The following GFRA2 variants were observed in gnomAD, a reference collection of about 807,000 sequenced individuals.
GFRA2 encodes GDNF family receptor alpha-2.
GFRA2 carries 17 observed loss-of-function variants against 48.3 expected under a neutral mutation model. The observed-to-expected ratio is 0.35, with a 90% CI of 0.24 to 0.53. The LOEUF (loss-of-function observed/expected upper bound fraction) is 0.53. Among genes scored for constraint, GFRA2 ranks in the 20% least tolerant of loss-of-function variants. The pLI, the probability that GFRA2 is intolerant of heterozygous loss-of-function variation, is 0.93. For synonymous variants in GFRA2, 305 were observed against 257.2 expected, an observed-to-expected ratio of 1.19 and a Z score of -1.78; for missense variants, 660 against 637.3, an observed-to-expected ratio of 1.04 and a Z score of -0.38.
chr8:21,778,069 T>C (rs771118981), intron 2 of GFRA2, among the ~76,000 whole-genome samples: 26 of 152,118 alleles, frequency 1.7e-4, no homozygotes, highest in Non-Finnish European at 3.5e-4. Flanking sequence ...CACAGCCCCA[T>C]GGTAAATCAC....
chr8:21,805,645 G>A (rs764814527), intron 1 of GFRA2, among the ~76,000 whole-genome samples: 8 of 152,128 alleles, frequency 5.3e-5, no homozygotes, highest in Non-Finnish European at 7.4e-5. Context: ...GCTGGGAGTC[G>A]TAAAGCAATT....
intron 3 of GFRA2, among the ~76,000 whole-genome samples, chr8:21,756,680 A>C (rs1340543476): frequency 6.6e-6 from 1 of 152,200 alleles, no homozygotes; most frequent in Admixed American, 6.5e-5. Context: ...TCACCTACCA[A>C]GACCCCTCAC....
upstream of GFRA2, among the ~76,000 whole-genome samples, chr8:21,793,379 G>A (rs1038298183): frequency 6.0e-4 from 92 of 152,286 alleles, no homozygotes; most frequent in African/African-American, 2.0e-3. Flanking sequence ...GGCAGTGGGC[G>A]TGGACAGAGG....
intron 4 of GFRA2, among the ~76,000 whole-genome samples, chr8:21,710,232 T>G (rs1468209096): frequency 6.6e-6 from 1 of 152,180 alleles, no homozygotes; most frequent in African/African-American, 2.4e-5. Flanking sequence ...CCTCCCGCCT[T>G]GGGCTGCGAC....
At chr8:21,725,800 C>T (rs1008721633) in intron 4 of GFRA2, among the ~76,000 whole-genome samples, 7 of 152,190 alleles carry the variant, frequency 4.6e-5, no homozygotes, top group Non-Finnish European at 8.8e-5. Flanking sequence ...CAAGGCCCGC[C>T]GGTCCTCTCA....
At chr8:21,770,979 C>T (rs1806409871) in intron 3 of GFRA2, among the ~76,000 whole-genome samples, 1 of 152,134 alleles carries the variant, frequency 6.6e-6, no homozygotes, top group Non-Finnish European at 1.5e-5. Context: ...GGAGGATGCT[C>T]CACTTCAGCT....
chr8:21,701,222 G>A (rs561696948), intron 7 of GFRA2, among the ~76,000 whole-genome samples: 5 of 152,160 alleles, frequency 3.3e-5, no homozygotes, highest in African/African-American at 7.2e-5. Flanking sequence ...GTGAAACCCC[G>A]TCTCTACTAA....
rs961363942 is a variant in GFRA2 at position 21,754,384 on chromosome 8, G to A, written c.440-3442C>T. Reference sequence around the variant, plus strand: ...AAGCAAGCAAAATGGTACAGAGTAGGCAACAGTGATCAACACAGGACCATG... The same window carrying A: ...AAGCAAGCAAAATGGTACAGAGTAGACAACAGTGATCAACACAGGACCATG... On this transcript the variant is annotated intron_variant, in intron 3 of 8. Coordinates refer to ENST00000524240, the MANE Select transcript of GFRA2 (RefSeq NM_001495.5). Among the ~76,000 whole-genome samples the A allele has an allele frequency of 5.9e-5, 9 of 152,134 alleles. 1 individual carries two copies. The highest frequency in any genetic ancestry group is 5.2e-4 in the Admixed American group (8 of 15,284).
chr8:21,697,202 C>T (rs1260959985), intron 7 of GFRA2, among the ~76,000 whole-genome samples: 16 of 9,772 alleles, frequency 1.6e-3, no homozygotes, highest in African/African-American at 5.6e-3. Flanking sequence ...AGGGGACAAA[C>T]GGAAAGGGGA....
At chr8:21,793,488 GC>G (rs1807614900), upstream of GFRA2, among the ~76,000 whole-genome samples, 1 of 152,148 alleles carries the variant, frequency 6.6e-6, no homozygotes, top group South Asian at 2.1e-4. Context: ...TAGCGGCTCA[GC>G]CTTTGTCCTT....
intron 4 of GFRA2, among the ~76,000 whole-genome samples, chr8:21,712,670 G>C (rs1179862958): frequency 6.6e-6 from 1 of 152,170 alleles, no homozygotes; most frequent in East Asian, 1.9e-4. Flanking sequence ...GGGAGGTGGA[G>C]GTTGTAGTGA....
chr8:21,734,317 G>A (rs902254751), intron 4 of GFRA2, among the ~76,000 whole-genome samples: 14 of 152,212 alleles, frequency 9.2e-5, no homozygotes, highest in African/African-American at 3.4e-4. Context: ...GGCTCCACAC[G>A]TATCCAAGCA....
intron 1 of GFRA2, among the ~76,000 whole-genome samples, chr8:21,785,031 C>A (rs1265910462): frequency 6.6e-6 from 1 of 152,188 alleles, no homozygotes; most frequent in Non-Finnish European, 1.5e-5. Context: ...ACCCCGCCTC[C>A]CCATAGGCTA....
At chr8:21,738,257 A>G in intron 4 of GFRA2, among the ~76,000 whole-genome samples, 1 of 139,980 alleles carries the variant, frequency 7.1e-6, no homozygotes, top group Non-Finnish European at 1.5e-5. Flanking sequence ...AGGTGACAAC[A>G]TCACCAGCCA....
intron 1 of GFRA2, among the ~76,000 whole-genome samples, chr8:21,810,669 G>T (rs1415915187): frequency 1.3e-5 from 2 of 152,158 alleles, no homozygotes; most frequent in Non-Finnish European, 2.9e-5. Context: ...GCACTCAGTG[G>T]AGCCAGTGGT....
chr8:21,792,178 G>A (rs1446255463), upstream of GFRA2, among the ~76,000 whole-genome samples: 3 of 152,192 alleles, frequency 2.0e-5, no homozygotes, highest in Non-Finnish European at 2.9e-5. Flanking sequence ...TAGCAGGAGA[G>A]GGAAGAAGGA....
At chr8:21,751,014 A>G (rs1195471973) in intron 3 of GFRA2, 72 bp from the exon 4 acceptor site, 19 of 1,002,172 alleles carry the variant, frequency 1.9e-5, no homozygotes, top group Non-Finnish European at 1.7e-5. Flanking sequence ...CCCTCACTGG[A>G]AGATGTCTCC....
chr8:21,694,913 C>CATGA (rs1409554558), intron 7 of GFRA2, among the ~76,000 whole-genome samples: 2 of 152,202 alleles, frequency 1.3e-5, no homozygotes, highest in South Asian at 2.1e-4. Context: ...TGCCTGCATC[C>CATGA]ATGAATGAAT....
chr8:21,743,408 G>A (rs1804849946), intron 4 of GFRA2, among the ~76,000 whole-genome samples: 1 of 152,174 alleles, frequency 6.6e-6, no homozygotes, highest in African/African-American at 2.4e-5. Context: ...GTTACCCAGG[G>A]AAGACCTAGT....
Sources: gnomAD v4.1 joint callset for allele counts (sites outside exome capture counted in the v4.1 genomes callset) on GRCh38, gnomAD v4.1.1 for gene constraint, MANE v1.5 for transcripts, NCBI Gene and HGNC (gene_info 2026-07-23, HGNC 2026-07-21) for gene names.